The following ASCC1 variants were observed in gnomAD, a reference collection of about 807,000 sequenced individuals.
The protein encoded by ASCC1 is activating signal cointegrator 1 complex subunit 1.
In ASCC1, 35 loss-of-function variants were observed where a neutral mutation model predicts 46.6. The observed-to-expected ratio is 0.75, with a 90% CI of 0.57 to 0.99. ASCC1 has a LOEUF of 0.99. Among genes scored for constraint, ASCC1 ranks in the 50% least tolerant of loss-of-function variants. ASCC1 has a pLI of 0.00. For missense variants in ASCC1, 376 were observed against 428.7 expected, an observed-to-expected ratio of 0.88 and a Z score of 1.09; for synonymous variants, 143 against 146.6, an observed-to-expected ratio of 0.98 and a Z score of 0.18.
rs535219251 is a variant in ASCC1 at position 72,110,279 on chromosome 10, A to G, written c.958-12829T>C. On this transcript the variant is annotated intron_variant, in intron 9 of 9. Transcript: ENST00000672957. ...TCCGTATTACACAGTAGAAAGGAAG[A>G]GCAAGTCAGCAGAAATGAATCCTTA... Among the ~76,000 whole-genome samples the G allele has an allele frequency of 3.3e-5, 5 of 152,350 alleles. No individual in the cohort carries two copies. The East Asian group carries it at 9.7e-4, about 29-fold the overall frequency.
rs1841211741 is a variant in ASCC1 at position 72,097,440 on chromosome 10, T to C, written c.968A>G (p.Asn323Ser). 6.2e-7 allele frequency: 1 copy of C among 1,601,010 alleles called. No individual in the cohort carries two copies. The highest frequency in any genetic ancestry group is 1.1e-5 in the South Asian group (1 of 90,794). ...DGRNILKLFE[N>S]FYFGSLKLNS... ...CAGCTTTAGGGAGCCAAAGTAGAAG[T>C]TCTCAAACAACTGAAAAGGAAGAAT... Residue 323 changes from asparagine (N) to serine (S), a missense_variant, in exon 10 of 10, where the codon AAC becomes AGC. By Grantham distance (46) the Asn-to-Ser change is conservative. Coordinates refer to ENST00000672957, the MANE Select transcript of ASCC1 (RefSeq NM_001198800.3).
At chr10:72,211,466 G>C (rs1481307705) in intron 2 of ASCC1, among the ~76,000 whole-genome samples, 1 of 152,012 alleles carries the variant, frequency 6.6e-6, no homozygotes, top group Non-Finnish European at 1.5e-5. Context: ...GTACATGCCT[G>C]TAAGTCCCCA....
intron 8 of ASCC1, 122 bp downstream of exon 8, chr10:72,132,935 A>C: frequency 4.0e-6 from 5 of 1,243,898 alleles, no homozygotes; most frequent in Non-Finnish European, 5.8e-6. Context: ...CATCAGAATA[A>C]GCTAAGAGGT....
intron 4 of ASCC1, among the ~76,000 whole-genome samples, chr10:72,199,483 A>G (rs1275945599): frequency 6.6e-6 from 1 of 151,992 alleles, no homozygotes; most frequent in Non-Finnish European, 1.5e-5. Flanking sequence ...TTTTCAGCAG[A>G]GACAGGGTTT....
At chr10:72,183,359 T>C (rs1411906841) in intron 5 of ASCC1, among the ~76,000 whole-genome samples, 2 of 152,102 alleles carry the variant, frequency 1.3e-5, no homozygotes, top group Non-Finnish European at 2.9e-5. Context: ...AAATTTCTTA[T>C]TAGAAACTAT....
intron 5 of ASCC1, among the ~76,000 whole-genome samples, chr10:72,196,219 T>C (rs1244745794): frequency 6.6e-6 from 1 of 152,034 alleles, no homozygotes; most frequent in East Asian, 1.9e-4. Flanking sequence ...CTCATTAACA[T>C]TACCACCCAA....
intron 5 of ASCC1, among the ~76,000 whole-genome samples, chr10:72,183,908 C>G (rs1220747922): frequency 6.6e-6 from 1 of 152,078 alleles, no homozygotes; most frequent in East Asian, 1.9e-4. Context: ...CTTTGGGAGG[C>G]TGAGGAGGGC....
intron 5 of ASCC1, among the ~76,000 whole-genome samples, chr10:72,187,179 T>C (rs1010202803): frequency 6.6e-6 from 1 of 151,164 alleles, no homozygotes; most frequent in African/African-American, 2.5e-5. Flanking sequence ...AACGAAGTCA[T>C]CTTGTTATGA....
chr10:72,104,094 A>G (rs999576885), intron 9 of ASCC1, among the ~76,000 whole-genome samples: 5 of 152,160 alleles, frequency 3.3e-5, no homozygotes, highest in African/African-American at 4.8e-5. Context: ...TTCCTCTCCT[A>G]CAAAATAAAG....
At chr10:72,191,123 T>C (rs1298274258) in intron 5 of ASCC1, among the ~76,000 whole-genome samples, 3 of 149,858 alleles carry the variant, frequency 2.0e-5, no homozygotes, top group Non-Finnish European at 3.0e-5. Flanking sequence ...AGTGGCGCGA[T>C]CTCGGCTCAC....
At chr10:72,200,642 C>T (rs1186065244) in intron 4 of ASCC1, among the ~76,000 whole-genome samples, 3 of 136,152 alleles carry the variant, frequency 2.2e-5, no homozygotes, top group African/African-American at 8.7e-5. Context: ...CCAGCCTGGG[C>T]AACAAGAGCG....
chr10:72,214,207 CAAA>C (rs908179952), intron 1 of ASCC1, among the ~76,000 whole-genome samples: 1 of 145,784 alleles, frequency 6.9e-6, no homozygotes, highest in African/African-American at 2.7e-5. Flanking sequence ...ACAACAACAA[CAAA>C]AAAAAGAGAG....
At chr10:72,131,390 C>T (rs1484796880) in intron 8 of ASCC1, among the ~76,000 whole-genome samples, 2 of 151,090 alleles carry the variant, frequency 1.3e-5, no homozygotes, top group Admixed American at 6.6e-5. Context: ...CTGCACACTC[C>T]GGCCTGGGCG....
At position 72,210,746 on chromosome 10, in the gene ASCC1, G is replaced by A; in HGVS notation, c.198C>T (p.Pro66=). Residue 66 remains proline (P), a synonymous_variant, in exon 3 of 10, where the codon CCC becomes CCT. Transcript: ENST00000672957. ...PQGFRSTLRA[P]SLLYKHIVGK... The stretch of plus-strand genomic sequence containing the variant: ...ACATGACTCACTTATAGAGCAAGCT[G>A]GGGGCCCTCAAAGTAGACCGGAATC... The A allele has an allele frequency of 6.2e-7, 1 of 1,613,962 alleles. No homozygotes were observed. Among genetic ancestry groups the A allele is most frequent in the Non-Finnish European group, 8.5e-7 (1 of 1,179,916 alleles).
At chr10:72,190,689 T>A (rs186025484) in intron 5 of ASCC1, 1 of 647,452 alleles carries the variant, frequency 1.5e-6, no homozygotes, top group Non-Finnish European at 2.6e-6. Context: ...AATGAATGCT[T>A]TGTCAAATTA....
intron 7 of ASCC1, among the ~76,000 whole-genome samples, chr10:72,136,762 C>T (rs1049293204): frequency 4.6e-5 from 7 of 151,968 alleles, no homozygotes; most frequent in African/African-American, 1.7e-4. Flanking sequence ...CGAGGGTCTG[C>T]GGCTTCATTC....
intron 1 of ASCC1, among the ~76,000 whole-genome samples, chr10:72,214,657 G>A (rs1291973776): frequency 6.6e-6 from 1 of 151,906 alleles, no homozygotes; most frequent in Non-Finnish European, 1.5e-5. Context: ...GATTACAGGC[G>A]TGAGCCACTG....
At chr10:72,150,239 C>T (rs1012270205) in intron 7 of ASCC1, among the ~76,000 whole-genome samples, 3 of 151,912 alleles carry the variant, frequency 2.0e-5, no homozygotes, top group African/African-American at 7.3e-5. Flanking sequence ...AGCTCCTATG[C>T]CATTCTATAC....
intron 4 of ASCC1, among the ~76,000 whole-genome samples, chr10:72,200,863 A>AAAC (rs1431223704): frequency 6.6e-6 from 1 of 152,186 alleles, no homozygotes; most frequent in East Asian, 1.9e-4. Flanking sequence ...TTACCTAGAG[A>AAAC]AAACTGTGTC....
Sources: allele counts gnomAD v4.1 joint callset (sites outside exome capture counted in the v4.1 genomes callset), GRCh38; gene constraint gnomAD v4.1.1; transcripts MANE v1.5; gene names NCBI Gene and HGNC (gene_info 2026-07-23, HGNC 2026-07-21).